Variants in ACTN1 observed in about 807,000 individuals in gnomAD.
ACTN1 encodes the protein actinin alpha 1.
ACTN1 carries 30 observed loss-of-function variants against 119.6 expected under a neutral mutation model. That is an observed-to-expected ratio of 0.25 (90% CI 0.19 to 0.34). The LOEUF (loss-of-function observed/expected upper bound fraction) is 0.34. ACTN1 is among the 10% of genes least tolerant of loss of function. The pLI, the probability that ACTN1 is intolerant of heterozygous loss-of-function variation, is 1.00. For synonymous variants in ACTN1, 429 were observed against 472.6 expected, an observed-to-expected ratio of 0.91 and a Z score of 1.20; for missense variants, 764 against 1,223.4, an observed-to-expected ratio of 0.62 and a Z score of 5.60.
chr14:68,977,537 T>C (rs941483267), intron 1 of ACTN1: 1 of 198,358 alleles, frequency 5.0e-6, no homozygotes, highest in Non-Finnish European at 1.0e-5. Context: ...CAGGTCATCC[T>C]GCTTTGAGGA....
chr14:68,910,989 C>T (rs1299245416), intron 4 of ACTN1, among the ~76,000 whole-genome samples: 2 of 152,186 alleles, frequency 1.3e-5, no homozygotes, highest in African/African-American at 4.8e-5. Flanking sequence ...TACCCAGTCT[C>T]GGGTATGTCC....
chr14:68,888,341 C>T (rs565394607), intron 11 of ACTN1: 3 of 284,582 alleles, frequency 1.1e-5, no homozygotes, highest in South Asian at 7.0e-5. Flanking sequence ...GGCAAGGCAA[C>T]GAGGTCAATC....
chr14:68,926,773 C>A (rs2034947205), intron 1 of ACTN1, among the ~76,000 whole-genome samples: 1 of 152,174 alleles, frequency 6.6e-6, no homozygotes, highest in Non-Finnish European at 1.5e-5. Flanking sequence ...ATCCCTTCCT[C>A]CTGCCCTGGG....
intron 3 of ACTN1, among the ~76,000 whole-genome samples, chr14:68,913,939 T>C (rs1222538248): frequency 6.6e-6 from 1 of 152,106 alleles, no homozygotes; most frequent in African/African-American, 2.4e-5. Context: ...AATCAACTCA[T>C]AGACCTGGCA....
At chr14:68,932,607 T>C (rs2035277676) in intron 1 of ACTN1, among the ~76,000 whole-genome samples, 2 of 148,282 alleles carry the variant, frequency 1.3e-5, no homozygotes. Context: ...CCTCAAGTGA[T>C]CCTCCCACCT....
intron 1 of ACTN1, among the ~76,000 whole-genome samples, chr14:68,937,404 G>A (rs561724780): frequency 6.6e-6 from 1 of 151,970 alleles, no homozygotes; most frequent in Non-Finnish European, 1.5e-5. Context: ...CCAAAATAAA[G>A]ATAAAAAATG....
chr14:68,887,796 C>T lies in ACTN1; in HGVS notation c.1235-2221G>A, dbSNP rs1324051772. 2.1e-5 allele frequency: 20 copies of T among 960,048 alleles called. 1 individual carries two copies. In the East Asian group the frequency reaches 4.1e-4, roughly 20 times the overall value. The allele number at this position is 960,048 out of a possible 1,614,324, so 59.5% of individuals were successfully genotyped here. A position where few individuals can be genotyped will look rare whatever the true frequency, so the allele number is the denominator to read the frequency against. ...CATGGTATATGGTATTAATCAGACTCGGCTTCTTTCTCTCCTGCTTCATCA... is the reference window on the plus strand; with the variant it reads ...CATGGTATATGGTATTAATCAGACTTGGCTTCTTTCTCTCCTGCTTCATCA... On this transcript the variant is annotated intron_variant, in intron 11 of 21. Transcript: ENST00000394419.
rs914039834 is a variant in ACTN1, at chr14:68,878,442, G to A, written c.2427+16C>T. On this transcript the variant is annotated intron_variant, in intron 20 of 21. Transcript: ENST00000394419. The surrounding 1 kb of genome is among the most constrained non-coding windows in gnomAD (Gnocchi z 4.4). ...GCCTTCTCACCAGGGCAGACAGAGGGTGGGGTTTACGTTACCATGTTGTAA... is the reference window on the plus strand; with the variant it reads ...GCCTTCTCACCAGGGCAGACAGAGGATGGGGTTTACGTTACCATGTTGTAA... 1.3e-6 allele frequency: 2 copies of A among 1,538,918 alleles called. No homozygotes were observed. Among genetic ancestry groups the A allele is most frequent in the African/African-American group, 2.8e-5 (2 of 72,668 alleles).
chr14:68,947,757 A>G (rs2035989483), intron 1 of ACTN1, among the ~76,000 whole-genome samples: 1 of 152,260 alleles, frequency 6.6e-6, no homozygotes, highest in African/African-American at 2.4e-5. Context: ...TATGAGGAAT[A>G]TGGAGGTCCT....
intron 1 of ACTN1, among the ~76,000 whole-genome samples, chr14:68,972,569 G>A (rs2036922932): frequency 6.6e-6 from 1 of 152,186 alleles, no homozygotes; most frequent in African/African-American, 2.4e-5. Flanking sequence ...GTATATTTGT[G>A]AGGTTGTGAA....
rs377742133 is a variant in ACTN1, at chr14:68,941,735, C to T, written c.106-16063G>A. ...ATGGAAAGGCATGAGACAAAAAGAA[C>T]GACTCCAGGACCCATGGAATTGCCC... On this transcript the variant is annotated intron_variant, in intron 1 of 21. Coordinates refer to ENST00000394419, the MANE Select transcript of ACTN1 (RefSeq NM_001130004.2). 2.7e-4 allele frequency among the ~76,000 whole-genome samples: 41 copies of T among 152,236 alleles called. 1 individual carries two copies. Among genetic ancestry groups the T allele is most frequent in the African/African-American group, 8.7e-4 (36 of 41,534 alleles).
intron 1 of ACTN1, among the ~76,000 whole-genome samples, chr14:68,974,842 T>TG (rs1169339551): frequency 1.3e-5 from 2 of 152,244 alleles, no homozygotes; most frequent in Non-Finnish European, 2.9e-5. Context: ...TGTTAAGGGC[T>TG]GGGCTCTTTC....
At position 68,875,021 on chromosome 14, in the gene ACTN1, C is replaced by CGAGGAGAGAGTG. The variant is rs753470271; in HGVS notation, c.2587-16_2587-5dup. 2.0e-5 allele frequency: 33 copies of CGAGGAGAGAGTG among 1,612,510 alleles called. No homozygotes were observed. The highest frequency in any genetic ancestry group is 2.7e-5 in the Non-Finnish European group (32 of 1,179,998). On this transcript the variant is annotated splice_region_variant and splice_polypyrimidine_tract_variant and intron_variant, in intron 21 of 21. Coordinates refer to ENST00000394419, the MANE Select transcript of ACTN1 (RefSeq NM_001130004.2). ...GCTCGTCCATGGTAATGTAGTTCTG[C>CGAGGAGAGAGTG]GAGGAGAGAGTGGTCAGGAAGGCCG...
At chr14:68,931,813 G>A (rs2035233518) in intron 1 of ACTN1, among the ~76,000 whole-genome samples, 2 of 152,182 alleles carry the variant, frequency 1.3e-5, no homozygotes, top group African/African-American at 4.8e-5. Context: ...GAAGATTAGA[G>A]TTCAACATAA....
At position 68,902,568 on chromosome 14, in the gene ACTN1, A is replaced by C; in HGVS notation, c.677-6T>G. On this transcript the variant is annotated splice_region_variant and splice_polypyrimidine_tract_variant and intron_variant, in intron 7 of 21. Transcript: ENST00000394419. ...TCGGGCAGTTCCAACGATGTCTGTC[A>C]AGAAAAATCTGGAGTTAAAGCCAGC... 1 of 1,613,420 alleles carries C rather than the reference A, an allele frequency of 6.2e-7. No homozygotes were observed. Among genetic ancestry groups the C allele is most frequent in the Non-Finnish European group, 8.5e-7 (1 of 1,179,550 alleles).
chr14:68,878,461 G>A lies in ACTN1; in HGVS notation c.2424C>T (p.Asn808=), dbSNP rs749102448. 1 of 1,558,826 alleles carries A rather than the reference G, an allele frequency of 6.4e-7. No individual in the cohort carries two copies. Among genetic ancestry groups the A allele is most frequent in the Admixed American group, 1.8e-5 (1 of 55,022 alleles). ...CAGAGGGTGGGGTTTACGTTACCAT[G>A]TTGTAACCCATGGAGATCAGGCAGG... ...FRACLISMGY[N]MGEAEFARIM... Residue 808 remains asparagine, a synonymous_variant, in exon 20 of 22, where the codon AAC becomes AAT. Transcript: ENST00000394419. This position sits in a 1 kb window ranked among gnomAD's most constrained non-coding sequence, Gnocchi z 4.4.
chr14:68,978,580 G>A, intron 1 of ACTN1: 1 of 289,042 alleles, frequency 3.5e-6, no homozygotes. Flanking sequence ...AATCGATCCG[G>A]AGCAAGCAGC....
At chr14:68,941,168 C>A (rs976470823) in intron 1 of ACTN1, among the ~76,000 whole-genome samples, 13 of 152,212 alleles carry the variant, frequency 8.5e-5, no homozygotes, top group Admixed American at 7.2e-4. Context: ...AAAGTCTGGG[C>A]TCACAGTGAC....
At chr14:68,897,251 TG>T (rs2032945467) in intron 8 of ACTN1, among the ~76,000 whole-genome samples, 1 of 152,232 alleles carries the variant, frequency 6.6e-6, no homozygotes, top group South Asian at 2.1e-4. Flanking sequence ...CCCAAAGTGC[TG>T]GGATTACAGG....
Sources: allele counts gnomAD v4.1 joint callset (sites outside exome capture counted in the v4.1 genomes callset), GRCh38; gene constraint gnomAD v4.1.1; non-coding constraint Gnocchi (gnomAD v3.1); transcripts MANE v1.5; gene names NCBI Gene and HGNC (gene_info 2026-07-23, HGNC 2026-07-21).